TMEM132C: variants seen among roughly 807,000 people sequenced by gnomAD.
The protein encoded by TMEM132C is transmembrane protein 132C.
Under a neutral mutation model 61.4 loss-of-function variants are expected in TMEM132C, and 29 were observed. The ratio of observed to expected loss-of-function variants is 0.47; its 90% CI spans 0.35 to 0.64. The LOEUF is 0.64. Ranked by LOEUF, TMEM132C falls within the 30% of genes least tolerant of loss-of-function variation. The probability of loss-of-function intolerance (pLI) is 0.00; values close to 1 mark genes in which losing one functional copy is unlikely to be tolerated. For synonymous variants in TMEM132C, 656 were observed against 633.1 expected, an observed-to-expected ratio of 1.04 and a Z score of -0.54; for missense variants, 1,408 against 1,476.9, an observed-to-expected ratio of 0.95 and a Z score of 0.76.
At chr12:128,595,682 A>C (rs913435944) in intron 3 of TMEM132C, among the ~76,000 whole-genome samples, 1 of 152,228 alleles carries the variant, frequency 6.6e-6, no homozygotes, top group Non-Finnish European at 1.5e-5. Flanking sequence ...CCAGGGCCTC[A>C]GGCAGAGGGG....
intron 1 of TMEM132C, among the ~76,000 whole-genome samples, chr12:128,346,705 G>A (rs1050203762): frequency 2.0e-5 from 3 of 152,146 alleles, no homozygotes; most frequent in African/African-American, 7.2e-5. Context: ...TGTCTTGACT[G>A]TCGATGGCGT....
At chr12:128,486,491 C>G (rs1871495357) in intron 2 of TMEM132C, among the ~76,000 whole-genome samples, 1 of 152,118 alleles carries the variant, frequency 6.6e-6, no homozygotes, top group Non-Finnish European at 1.5e-5. Flanking sequence ...CCCAGCAGAC[C>G]CTCCTTCTCA....
rs1183967677 is a variant in TMEM132C, at chr12:128,639,412, A to G, written c.1305+23077A>G. 6.1e-5 allele frequency among the ~76,000 whole-genome samples: 9 copies of G among 148,072 alleles called. No individual in the cohort carries two copies. The South Asian group carries it at 1.9e-3, about 31-fold the overall frequency. On this transcript the variant is annotated intron_variant, in intron 4 of 8. Transcript: ENST00000435159. ...GATGACAATGATGATGGTGATGATGATGATAATAATGATGGCAAGAATGAT... is the reference window on the plus strand; with the variant it reads ...GATGACAATGATGATGGTGATGATGGTGATAATAATGATGGCAAGAATGAT...
At chr12:128,663,410 C>T (rs1954413782) in intron 4 of TMEM132C, among the ~76,000 whole-genome samples, 1 of 152,218 alleles carries the variant, frequency 6.6e-6, no homozygotes, top group Admixed American at 6.5e-5. Flanking sequence ...TTGTTGCATG[C>T]ATGCATTCCT....
chr12:128,524,554 G>A (rs1055670667), intron 2 of TMEM132C, among the ~76,000 whole-genome samples: 1 of 152,104 alleles, frequency 6.6e-6, no homozygotes, highest in African/African-American at 2.4e-5. Context: ...GCAAACTCCA[G>A]GGTAGAATTC....
At chr12:128,559,456 C>T (rs545374183) in intron 3 of TMEM132C, among the ~76,000 whole-genome samples, 57 of 151,990 alleles carry the variant, frequency 3.8e-4, no homozygotes, top group African/African-American at 1.1e-3. Flanking sequence ...TGATCATATT[C>T]GTGAAATAAA....
intron 2 of TMEM132C, among the ~76,000 whole-genome samples, chr12:128,531,779 G>T (rs1406353944): frequency 6.6e-6 from 1 of 152,050 alleles, no homozygotes; most frequent in Non-Finnish European, 1.5e-5. Context: ...AAAATCAAAG[G>T]GGGATGGCAC....
chr12:128,347,425 C>CTCTCTCTCTCTG (rs1763457858), intron 1 of TMEM132C, among the ~76,000 whole-genome samples: 1 of 151,530 alleles, frequency 6.6e-6, no homozygotes, highest in Non-Finnish European at 1.5e-5. Context: ...CTCTCTCTCT[C>CTCTCTCTCTCTG]TCTCTCTCTC....
At chr12:128,600,164 A>G (rs759102282) in intron 3 of TMEM132C, among the ~76,000 whole-genome samples, 14 of 151,956 alleles carry the variant, frequency 9.2e-5, no homozygotes, top group Non-Finnish European at 1.6e-4. Context: ...TTGTATTTTT[A>G]GTAGAGACGA....
intron 2 of TMEM132C, among the ~76,000 whole-genome samples, chr12:128,453,242 C>T (rs1011453252): frequency 3.9e-5 from 6 of 152,212 alleles, no homozygotes; most frequent in Non-Finnish European, 8.8e-5. Context: ...TCTTGATTCT[C>T]TGGGTTGGCC....
At chr12:128,595,804 A>G (rs551226650) in intron 3 of TMEM132C, among the ~76,000 whole-genome samples, 5 of 152,348 alleles carry the variant, frequency 3.3e-5, no homozygotes, top group South Asian at 2.1e-4. Flanking sequence ...GTGACGTCAC[A>G]CTGACCGTAC....
Position 128,616,299 on chromosome 12 carries a change from C to T in TMEM132C, c.1269C>T (p.Ser423=). The part of the protein sequence containing the change: ...TDIAVSEIFV[S]QKDLVGIVPL... ...TCGCCGTGTCCGAGATCTTTGTCAG[C>T]CAGAAGGACCTGGTGGGCATCGTTC... is the stretch of plus-strand genomic sequence containing the variant. The change falls in exon 4 of 9, where the codon AGC becomes AGT. Residue 423 remains serine, a synonymous_variant. Transcript: ENST00000435159. 1 of 1,551,994 alleles carries T rather than the reference C, an allele frequency of 6.4e-7. No individual in the cohort carries two copies. Among genetic ancestry groups the T allele is most frequent in the Non-Finnish European group, 8.7e-7 (1 of 1,147,044 alleles).
intron 1 of TMEM132C, among the ~76,000 whole-genome samples, chr12:128,358,538 G>A (rs184198819): frequency 8.7e-6 from 1 of 114,346 alleles, no homozygotes; most frequent in East Asian, 2.4e-4. Flanking sequence ...TAGTGCATGT[G>A]CGCCTGAACT....
chr12:128,361,289 G>C (rs957595140), intron 1 of TMEM132C, among the ~76,000 whole-genome samples: 1 of 152,140 alleles, frequency 6.6e-6, no homozygotes, highest in African/African-American at 2.4e-5. Flanking sequence ...AAATTCTTTG[G>C]GGTTTATCAG....
chr12:128,576,397 C>A (rs1294650232), intron 3 of TMEM132C, among the ~76,000 whole-genome samples: 1 of 152,198 alleles, frequency 6.6e-6, no homozygotes, highest in Non-Finnish European at 1.5e-5. Context: ...CTGATCACCT[C>A]TGCAGCTTGA....
chr12:128,582,857 C>T (rs115650352), intron 3 of TMEM132C, among the ~76,000 whole-genome samples: 3,796 of 152,212 alleles, frequency 0.025, 162 homozygotes, highest in African/African-American at 0.085. Context: ...TCACTGCAGC[C>T]TCAAACTCCT....
At position 128,415,516 on chromosome 12, in the gene TMEM132C, T is replaced by C; in HGVS notation, c.870T>C (p.Gly290=). The C allele has an allele frequency of 6.4e-7, 1 of 1,551,474 alleles. No homozygotes were observed. The highest frequency in any genetic ancestry group is 8.7e-7 in the Non-Finnish European group (1 of 1,146,990). The change falls in exon 2 of 9, where the codon GGT becomes GGC. Residue 290 remains glycine (G), a synonymous_variant. Transcript: ENST00000435159. The surrounding 1 kb of genome is among the most constrained non-coding windows in gnomAD (Gnocchi z 5.8). ...SAQLSELRLD[G]NVVIWLPSRP... ...AGCTCAGCGAGCTGCGTTTGGATGG[T>C]AACGTGGTCATCTGGCTGCCTTCCA...
At chr12:128,270,927 A>G (rs1413627672) in intron 1 of TMEM132C, among the ~76,000 whole-genome samples, 3 of 151,844 alleles carry the variant, frequency 2.0e-5, no homozygotes, top group South Asian at 4.2e-4. Context: ...TTATCCATAC[A>G]ATTTTTTTTT....
At chr12:128,639,176 G>C (rs1218615804) in intron 4 of TMEM132C, among the ~76,000 whole-genome samples, 2 of 138,286 alleles carry the variant, frequency 1.4e-5, no homozygotes, top group Non-Finnish European at 3.3e-5. Flanking sequence ...TGATGGTGAT[G>C]ATGGTGGTGA....
Sources: allele counts gnomAD v4.1 joint callset (sites outside exome capture counted in the v4.1 genomes callset), GRCh38; gene constraint gnomAD v4.1.1; non-coding constraint Gnocchi (gnomAD v3.1); transcripts MANE v1.5; gene names NCBI Gene and HGNC (gene_info 2026-07-23, HGNC 2026-07-21).